The following RBFOX1 variants were observed in gnomAD, a reference collection of about 807,000 sequenced individuals.
RBFOX1 encodes RNA binding protein fox-1 homolog 1.
A neutral mutation model predicts 57.7 loss-of-function variants in RBFOX1; 8 were observed. That is an observed-to-expected ratio of 0.14 (90% confidence interval 0.08 to 0.25). RBFOX1 has a LOEUF of 0.25. Ranked by LOEUF, RBFOX1 falls within the 10% of genes least tolerant of loss-of-function variation. The probability of loss-of-function intolerance (pLI) is 1.00; values close to 1 mark genes in which losing one functional copy is unlikely to be tolerated. For missense variants in RBFOX1, 611 were observed against 548.5 expected (o/e 1.11, Z -1.14); for synonymous variants, 326 against 222.4 (o/e 1.47, Z -4.15).
intron 3 of RBFOX1, among the ~76,000 whole-genome samples, chr16:6,731,639 C>G (rs975163349): frequency 2.6e-5 from 4 of 152,000 alleles, no homozygotes; most frequent in Non-Finnish European, 5.9e-5. Context: ...TGTAAACACC[C>G]CAGCTCCCTC....
At chr16:7,710,231 C>G (rs531689329) in intron 15 of RBFOX1, 1 of 1,053,396 alleles carries the variant, frequency 9.5e-7, no homozygotes, top group African/African-American at 1.7e-5. Context: ...TTCAACAACT[C>G]TGCTTCAACA....
intron 5 of RBFOX1, among the ~76,000 whole-genome samples, chr16:7,527,102 G>C (rs1035665479): frequency 6.6e-6 from 1 of 152,264 alleles, no homozygotes; most frequent in East Asian, 1.9e-4. Flanking sequence ...AACATGTTTC[G>C]GTGGCTTCAA....
At chr16:7,441,088 T>C (rs921670594) in intron 4 of RBFOX1, among the ~76,000 whole-genome samples, 3 of 152,066 alleles carry the variant, frequency 2.0e-5, no homozygotes, top group African/African-American at 7.2e-5. Context: ...TAAGATATCC[T>C]CTTTAAAGAG....
intron 1 of RBFOX1, among the ~76,000 whole-genome samples, chr16:6,208,443 G>T (rs781524904): frequency 6.6e-6 from 1 of 151,960 alleles, no homozygotes; most frequent in Non-Finnish European, 1.5e-5. Context: ...TGTGTCTGAA[G>T]TTGAGTAGAC....
chr16:7,070,605 T>C (rs2057129288), intron 4 of RBFOX1, among the ~76,000 whole-genome samples: 1 of 152,232 alleles, frequency 6.6e-6, no homozygotes, highest in Admixed American at 6.5e-5. Flanking sequence ...TAAGTGGTTT[T>C]GATTAACCTG....
intron 5 of RBFOX1, among the ~76,000 whole-genome samples, chr16:7,523,521 C>T (rs1170656182): frequency 1.3e-5 from 2 of 152,024 alleles, no homozygotes; most frequent in East Asian, 1.9e-4. Context: ...CAATGGATGC[C>T]CGAATTTGGA....
intron 3 of RBFOX1, among the ~76,000 whole-genome samples, chr16:5,862,163 G>T (rs942301039): frequency 6.6e-6 from 1 of 152,234 alleles, no homozygotes; most frequent in African/African-American, 2.4e-5. Flanking sequence ...CGACCTGCTA[G>T]ACTCCTTCAG....
chr16:5,460,039 C>G (rs1021629176), intron 1 of RBFOX1, among the ~76,000 whole-genome samples: 1 of 152,138 alleles, frequency 6.6e-6, no homozygotes, highest in Admixed American at 6.5e-5. Context: ...ATTCTGTTTC[C>G]TAAAAGTCAA....
At chr16:7,634,014 C>T (rs866347797) in intron 11 of RBFOX1, among the ~76,000 whole-genome samples, 13 of 152,158 alleles carry the variant, frequency 8.5e-5, no homozygotes, top group Middle Eastern at 3.2e-3. Context: ...CACACACACA[C>T]GAGTTATATT....
intron 4 of RBFOX1, among the ~76,000 whole-genome samples, chr16:7,244,279 G>C (rs991043126): frequency 1.4e-5 from 2 of 143,164 alleles, no homozygotes; most frequent in African/African-American, 5.2e-5. Flanking sequence ...AAACACCCTT[G>C]GGCTTTTCAT....
chr16:6,476,494 A>G (rs2095273949), intron 2 of RBFOX1, among the ~76,000 whole-genome samples: 1 of 152,178 alleles, frequency 6.6e-6, no homozygotes, highest in Non-Finnish European at 1.5e-5. Flanking sequence ...TAGTCTATTA[A>G]GTGTGCAATA....
intron 3 of RBFOX1, among the ~76,000 whole-genome samples, chr16:5,655,433 G>A (rs1227942816): frequency 1.3e-5 from 2 of 152,178 alleles, no homozygotes; most frequent in Non-Finnish European, 2.9e-5. Context: ...GGCTTTTCAT[G>A]AGCATATCTG....
chr16:6,216,860 C>T (rs981508203), intron 1 of RBFOX1, among the ~76,000 whole-genome samples: 1 of 151,968 alleles, frequency 6.6e-6, no homozygotes, highest in African/African-American at 2.4e-5. Context: ...TGAAAACTTT[C>T]CCTATTTCAC....
chr16:6,247,327 G>A (rs368380507), intron 1 of RBFOX1, among the ~76,000 whole-genome samples: 4 of 152,150 alleles, frequency 2.6e-5, no homozygotes, highest in African/African-American at 4.8e-5. Context: ...CTTGAATCAC[G>A]TGGTCTCTTC....
intron 4 of RBFOX1, among the ~76,000 whole-genome samples, chr16:7,352,023 C>A (rs1019330409): frequency 1.3e-5 from 2 of 152,188 alleles, no homozygotes; most frequent in African/African-American, 4.8e-5. Flanking sequence ...CAGTTCTTGA[C>A]TTGGGGTGGC....
At chr16:7,473,014 G>A (rs1371224117) in intron 4 of RBFOX1, among the ~76,000 whole-genome samples, 1 of 151,978 alleles carries the variant, frequency 6.6e-6, no homozygotes, top group African/African-American at 2.4e-5. Flanking sequence ...CAACCTCACA[G>A]TCCTTATATT....
intron 3 of RBFOX1, among the ~76,000 whole-genome samples, chr16:5,760,904 A>G (rs138342844): frequency 6.6e-6 from 1 of 152,286 alleles, no homozygotes; most frequent in East Asian, 1.9e-4. Flanking sequence ...TTTTGGAACT[A>G]GATAAGAGAG....
rs570554189 is a variant in RBFOX1, at chr16:7,212,578, C to G, written c.27+160480C>G. ...AACATTTTTCCAAGCAGAGTAGTCTCACATCCCTTGAAGGCTGAGAACTCT... is the reference window on the plus strand; with the variant it reads ...AACATTTTTCCAAGCAGAGTAGTCTGACATCCCTTGAAGGCTGAGAACTCT... On this transcript the variant is annotated intron_variant, in intron 4 of 15. Transcript: ENST00000550418. Among the ~76,000 whole-genome samples, 47 of 152,170 alleles carry G rather than the reference C, an allele frequency of 3.1e-4. No individual in the cohort carries two copies. In the East Asian group the frequency reaches 8.3e-3, roughly 27 times the overall value.
intron 3 of RBFOX1, among the ~76,000 whole-genome samples, chr16:5,653,223 C>G (rs1057175034): frequency 1.4e-5 from 2 of 143,512 alleles, no homozygotes; most frequent in Admixed American, 1.4e-4. Flanking sequence ...TGCTGGGTTT[C>G]TGTGAGGAAG....
Sources: gnomAD v4.1 joint callset for allele counts (sites outside exome capture counted in the v4.1 genomes callset) on GRCh38, gnomAD v4.1.1 for gene constraint, MANE v1.5 for transcripts, NCBI Gene and HGNC (gene_info 2026-07-23, HGNC 2026-07-21) for gene names.